Variants in DDO observed in about 807,000 individuals in gnomAD.
DDO encodes the protein D-aspartate oxidase, also known as D-aspartate oxidase, DDO.
In DDO, 16 loss-of-function variants were observed where a neutral mutation model predicts 16.8. The ratio of observed to expected loss-of-function variants is 0.95; its 90% CI spans 0.65 to 1.45. The LOEUF is 1.45. Among genes scored for constraint, DDO ranks in the 40% most tolerant of loss-of-function variants. The pLI, the probability that DDO is intolerant of heterozygous loss-of-function variation, is 0.00. For synonymous variants in DDO, 180 were observed against 167.2 expected, an observed-to-expected ratio of 1.08 and a Z score of -0.59; for missense variants, 429 against 420.3, an observed-to-expected ratio of 1.02 and a Z score of -0.18.
downstream of DDO, among the ~76,000 whole-genome samples, chr6:110,391,100 T>C (rs1773090710): frequency 6.6e-6 from 1 of 152,210 alleles, no homozygotes; most frequent in South Asian, 2.1e-4. Flanking sequence ...CAAGGAATGA[T>C]TATGACTGCA....
downstream of DDO, among the ~76,000 whole-genome samples, chr6:110,389,390 A>G (rs1321243759): frequency 6.6e-6 from 1 of 152,200 alleles, no homozygotes. Context: ...TTCTTTCTAT[A>G]TGTCTACATA....
chr6:110,405,516 C>T (rs1284255862), intron 3 of DDO, among the ~76,000 whole-genome samples: 1 of 152,168 alleles, frequency 6.6e-6, no homozygotes, highest in Non-Finnish European at 1.5e-5. Flanking sequence ...TTCTAAAAAG[C>T]TCCTGCCTAG....
Position 110,396,155 on chromosome 6 carries a change from A to T in DDO, c.459-2813T>A, listed in dbSNP as rs183284443. 6.9e-4 allele frequency among the ~76,000 whole-genome samples: 105 copies of T among 152,378 alleles called. No homozygotes were observed. The East Asian group carries it at 0.019, about 28-fold the overall frequency. On this transcript the variant is annotated intron_variant, in intron 4 of 4. Transcript: ENST00000368924. ...AGCTCAGCTTCCTATTCCATCAAGTACAAGCCACAGGCTGTCATCTCAGCA... is the reference window on the plus strand; with the variant it reads ...AGCTCAGCTTCCTATTCCATCAAGTTCAAGCCACAGGCTGTCATCTCAGCA...
intron 1 of DDO, 99 bp downstream of exon 1, chr6:110,415,355 TCCTGGCACAGTGG>T: frequency 7.0e-7 from 1 of 1,430,434 alleles, no homozygotes; most frequent in Admixed American, 2.1e-5. Flanking sequence ...ATGTGGTGTG[TCCTGGCACAGTGG>T]CCTGTCCATC....
chr6:110,396,715 G>A (rs1054258710), intron 4 of DDO, among the ~76,000 whole-genome samples: 1 of 149,434 alleles, frequency 6.7e-6, no homozygotes. Flanking sequence ...TTGTTTGTTT[G>A]TTTGTTTTAT....
chr6:110,393,279 C>T lies in DDO; in HGVS notation c.522G>A (p.Pro174=), dbSNP rs751571828. The part of the protein sequence containing the change: ...RRIEDLWELH[P]SFDIVVNCSG... The stretch of plus-strand genomic sequence containing the variant: ...AACAGTTGACCACGATGTCAAAGGA[C>T]GGATGAAGTTCCCACAGGTCTTCTA... Residue 174 remains proline (P), a synonymous_variant, in exon 5 of 5, where the codon CCG becomes CCA. Coordinates refer to ENST00000368924, the MANE Select transcript of DDO (RefSeq NM_001372108.2). 5.0e-6 allele frequency: 8 copies of T among 1,613,538 alleles called. No individual in the cohort carries two copies. Among genetic ancestry groups the T allele is most frequent in the Non-Finnish European group, 6.8e-6 (8 of 1,179,678 alleles).
At chr6:110,413,228 A>G in intron 2 of DDO, 63 bp downstream of exon 2, 1 of 1,565,076 alleles carries the variant, frequency 6.4e-7, no homozygotes, top group South Asian at 1.2e-5. Flanking sequence ...TGTCAATAGA[A>G]TTCCACTAAC....
intron 4 of DDO, among the ~76,000 whole-genome samples, chr6:110,394,699 C>G (rs550430061): frequency 1.3e-5 from 2 of 152,302 alleles, no homozygotes; most frequent in East Asian, 1.9e-4. Flanking sequence ...AATCAGAAAG[C>G]CTGGCTTTAT....
At chr6:110,415,247 A>C (rs1257556025) in intron 1 of DDO, among the ~76,000 whole-genome samples, 1 of 152,228 alleles carries the variant, frequency 6.6e-6, no homozygotes, top group East Asian at 1.9e-4. Context: ...TCCCATGTCC[A>C]GCAACTCTCT....
chr6:110,389,152 G>A (rs1019891533), downstream of DDO, among the ~76,000 whole-genome samples: 4 of 152,204 alleles, frequency 2.6e-5, no homozygotes, highest in African/African-American at 9.7e-5. Flanking sequence ...AGAAGAAAAA[G>A]GTGAGGAAGG....
intron 4 of DDO, among the ~76,000 whole-genome samples, chr6:110,400,348 C>CGG (rs5879067): frequency 8.1e-5 from 11 of 136,486 alleles, no homozygotes; most frequent in Non-Finnish European, 1.6e-4. Context: ...CGGGCCGGGG[C>CGG]GGGGACTGGC....
chr6:110,405,825 C>A (rs943208232), intron 3 of DDO, among the ~76,000 whole-genome samples: 8 of 152,072 alleles, frequency 5.3e-5, no homozygotes, highest in African/African-American at 1.9e-4. Context: ...ATCAACTGAG[C>A]CCAGGGAGGT....
intron 1 of DDO, 119 bp from the exon 2 acceptor site, chr6:110,413,585 A>C (rs1428457441): frequency 1.0e-6 from 1 of 998,540 alleles, no homozygotes; most frequent in African/African-American, 1.6e-5. Flanking sequence ...GACTTAGCCT[A>C]TTGGTGTTTC....
intron 4 of DDO, 56 bp downstream of exon 4, chr6:110,404,718 C>T (rs1480794306): frequency 1.4e-5 from 22 of 1,574,370 alleles, no homozygotes; most frequent in African/African-American, 2.7e-5. Flanking sequence ...TGAATAGCTA[C>T]GAAGTGATTT....
chr6:110,404,820 T>C lies in DDO; in HGVS notation c.412A>G (p.Thr138Ala), dbSNP rs770172266. The C allele has an allele frequency of 4.3e-6, 7 of 1,613,998 alleles. No individual in the cohort carries two copies. The highest frequency in any genetic ancestry group is 5.9e-6 in the Non-Finnish European group (7 of 1,180,028). The change falls in exon 4 of 5, where the codon ACC (threonine) becomes GCC (alanine). Residue 138 changes from threonine to alanine, a missense_variant. Coordinates refer to ENST00000368924, the MANE Select transcript of DDO (RefSeq NM_001372108.2). ...PQYVFGQAFT[T>A]LKCECPAYLP... Reference sequence around the variant, plus strand: ...TAGGCAGGGCATTCACATTTCAGGGTTGTAAAAGCCTGACCAAACACATAC... The same window carrying C: ...TAGGCAGGGCATTCACATTTCAGGGCTGTAAAAGCCTGACCAAACACATAC...
intron 4 of DDO, among the ~76,000 whole-genome samples, chr6:110,402,697 G>A (rs1773521525): frequency 6.6e-6 from 1 of 152,160 alleles, no homozygotes; most frequent in Admixed American, 6.5e-5. Flanking sequence ...TGTATAAGGA[G>A]TAAAAAGAAA....
At chr6:110,412,425 AAGAC>A (rs1773889421) in intron 2 of DDO, among the ~76,000 whole-genome samples, 1 of 152,214 alleles carries the variant, frequency 6.6e-6, no homozygotes, top group African/African-American at 2.4e-5. Context: ...TATCAGTGGA[AAGAC>A]AGAGCCGCCA....
At chr6:110,396,063 C>T (rs564914930) in intron 4 of DDO, among the ~76,000 whole-genome samples, 15 of 152,264 alleles carry the variant, frequency 9.9e-5, no homozygotes, top group Non-Finnish European at 1.8e-4. Context: ...GAGAGAATGC[C>T]TCACGTTGAT....
At chr6:110,397,691 C>T (rs1773333725) in intron 4 of DDO, among the ~76,000 whole-genome samples, 1 of 152,138 alleles carries the variant, frequency 6.6e-6, no homozygotes, top group Non-Finnish European at 1.5e-5. Flanking sequence ...GATAAAAGTC[C>T]AACTTGTGCC....
Sources: allele counts gnomAD v4.1 joint callset (sites outside exome capture counted in the v4.1 genomes callset), GRCh38; gene constraint gnomAD v4.1.1; transcripts MANE v1.5; gene names NCBI Gene and HGNC (gene_info 2026-07-23, HGNC 2026-07-21).